The following TPRN variants were observed in gnomAD, a reference collection of about 807,000 sequenced individuals.
TPRN encodes the protein taperin.
Under a neutral mutation model 42.6 loss-of-function variants are expected in TPRN, and 32 were observed. That is an observed-to-expected ratio of 0.75 (90% CI 0.57 to 1.01). The LOEUF (loss-of-function observed/expected upper bound fraction) is 1.01, where lower values mean the gene tolerates loss of function less well. TPRN is among the 50% of genes least tolerant of loss of function. TPRN has a pLI of 0.00. For synonymous variants in TPRN, 541 were observed against 445.6 expected, an observed-to-expected ratio of 1.21 and a Z score of -2.70; for missense variants, 1,095 against 957.5, an observed-to-expected ratio of 1.14 and a Z score of -1.90.
chr9:137,199,522 C>G lies in TPRN; in HGVS notation c.1190G>C (p.Gly397Ala). ...EVEAQWAVEE[G>A]ACPRTATALA... Reference sequence around the variant, plus strand: ...GGCGGTGGCTGTCCTGGGACAGGCCCCCTCCTCGACTGCCCACTGTGCCTC... The same window carrying G: ...GGCGGTGGCTGTCCTGGGACAGGCCGCCTCCTCGACTGCCCACTGTGCCTC... The change falls in exon 1 of 4, where the codon GGG becomes GCG. Residue 397 changes from glycine (G) to alanine (A), a missense_variant. Gly to Ala is a moderately conservative substitution (Grantham distance 60). Transcript: ENST00000409012. 6.4e-7 allele frequency: 1 copy of G among 1,570,696 alleles called. No homozygotes were observed. The highest frequency in any genetic ancestry group is 8.6e-7 in the Non-Finnish European group (1 of 1,158,522).
chr9:137,191,984 G>A lies in TPRN; in HGVS notation c.*128C>T. ...CAGGAGGCACCCTAGCTGCTTCCAG[G>A]GCCAGGAGGGGTGGGTGGGATACAG... is the stretch of plus-strand genomic sequence containing the variant. On this transcript the variant is annotated 3_prime_UTR_variant, in exon 4 of 4. Transcript: ENST00000409012. The A allele has an allele frequency of 8.3e-7, 1 of 1,198,692 alleles. No individual in the cohort carries two copies. The highest frequency in any genetic ancestry group is 2.5e-5 in the East Asian group (1 of 39,624). 74.3% of individuals were successfully genotyped at this position (1,198,692 alleles called of 1,614,324 possible). A position where few individuals can be genotyped will look rare whatever the true frequency, so the allele number is the denominator to read the frequency against.
chr9:137,192,020 C>T lies in TPRN; in HGVS notation c.*92G>A, dbSNP rs911380417. On this transcript the variant is annotated 3_prime_UTR_variant, in exon 4 of 4. Transcript: ENST00000409012. ...GTGGGTGGGATACAGTGAGGCCAAA[C>T]AAGGCAGAAGCGGGTGCAGTAGTCC... The T allele has an allele frequency of 4.2e-5, 63 of 1,516,346 alleles. No individual in the cohort carries two copies. Among genetic ancestry groups the T allele is most frequent in the Admixed American group, 5.3e-5 (3 of 56,726 alleles). 93.9% of individuals were successfully genotyped at this position (1,516,346 alleles called of 1,614,324 possible).
At chr9:137,196,416 G>C (rs1197319350) in intron 1 of TPRN, among the ~76,000 whole-genome samples, 1 of 152,136 alleles carries the variant, frequency 6.6e-6, no homozygotes, top group Non-Finnish European at 1.5e-5. Context: ...GTAAAACCTC[G>C]TCTCTACTAA....
In TPRN at chr9:137,199,611, G is replaced by C. The variant is rs746974855; in HGVS notation, c.1101C>G (p.Leu367=). 3.2e-6 allele frequency: 5 copies of C among 1,558,602 alleles called. No individual in the cohort carries two copies. In the South Asian group the frequency reaches 3.5e-5, roughly 11 times the overall value. ...DLGPASPSQE[L]GSQPVPGGDG... Reference sequence around the variant, plus strand: ...CCCCTCCAGGCACCGGCTGGGATCCGAGCTCCTGGCTCGGGGAGGCCGGGC... The same window carrying C: ...CCCCTCCAGGCACCGGCTGGGATCCCAGCTCCTGGCTCGGGGAGGCCGGGC... The change falls in exon 1 of 4, where the codon CTC becomes CTG. Residue 367 remains leucine (L), a synonymous_variant. Coordinates refer to ENST00000409012, the MANE Select transcript of TPRN (RefSeq NM_001128228.3).
Position 137,199,949 on chromosome 9 carries a change from C to T in TPRN, c.763G>A (p.Gly255Arg). The T allele has an allele frequency of 6.7e-7, 1 of 1,485,306 alleles. No individual in the cohort carries two copies. Among genetic ancestry groups the T allele is most frequent in the African/African-American group, 1.4e-5 (1 of 71,646 alleles). The allele number at this position is 1,485,306 out of a possible 1,614,324, so 92.0% of individuals were successfully genotyped here. A position where few individuals can be genotyped will look rare whatever the true frequency, so the allele number is the denominator to read the frequency against. ...SGQWKPKVES[G>R]DPSLHPPPSP... ...GGGGGCGGGTGGAGGGAGGGATCCCCCGACTCCACCTTTGGCTTCCACTGT... is the reference window on the plus strand; with the variant it reads ...GGGGGCGGGTGGAGGGAGGGATCCCTCGACTCCACCTTTGGCTTCCACTGT... The change falls in exon 1 of 4, where the codon GGG becomes AGG. Residue 255 changes from glycine (G) to arginine (R), a missense_variant. By Grantham distance (125) the Gly-to-Arg change is moderately radical (BLOSUM62 -2). Coordinates refer to ENST00000409012, the MANE Select transcript of TPRN (RefSeq NM_001128228.3).
Position 137,192,572 on chromosome 9 carries a change from TTCC to T in TPRN, c.1842_1844del (p.Glu621del), listed in dbSNP as rs376810326. 3,705 of 1,564,720 alleles carry T rather than the reference TTCC, an allele frequency of 2.4e-3. 14 individuals are homozygous for T. The highest frequency in any genetic ancestry group is 0.018 in the African/African-American group (1,329 of 73,488). ...CGGATCCCTCTTCCTCCTCTTCCTC[TTCC>T]TCCTCCTCCTCCTCCTCCTCCTCCT... On this transcript the variant is annotated inframe_deletion, in exon 2 of 4. Transcript: ENST00000409012.
In TPRN at chr9:137,191,904, C is replaced by T. The variant is rs1032190944; in HGVS notation, c.*208G>A. 2 of 673,906 alleles carry T rather than the reference C, an allele frequency of 3.0e-6. No individual in the cohort carries two copies. Among genetic ancestry groups the T allele is most frequent in the East Asian group, 5.6e-5 (2 of 35,974 alleles). The allele number at this position is 673,906 out of a possible 1,614,324, so 41.7% of individuals were successfully genotyped here. On this transcript the variant is annotated 3_prime_UTR_variant, in exon 4 of 4. Coordinates refer to ENST00000409012, the MANE Select transcript of TPRN (RefSeq NM_001128228.3). Reference sequence around the variant, plus strand: ...AGGCAGTTCCCCACCCCACTTCCCCCTTGGACCCTCCCAAATCAGGGCCGG... The same window carrying T: ...AGGCAGTTCCCCACCCCACTTCCCCTTTGGACCCTCCCAAATCAGGGCCGG...
intron 1 of TPRN, among the ~76,000 whole-genome samples, chr9:137,198,126 C>T (rs1434220276): frequency 6.6e-6 from 1 of 152,148 alleles, no homozygotes; most frequent in African/African-American, 2.4e-5. Context: ...GATAGGAAGA[C>T]CCAAGGGAGG....
chr9:137,196,664 A>G (rs1834710404), intron 1 of TPRN, among the ~76,000 whole-genome samples: 1 of 152,008 alleles, frequency 6.6e-6, no homozygotes, highest in Non-Finnish European at 1.5e-5. Context: ...GGCACCTCGC[A>G]CCCCCACCAG....
chr9:137,199,020 G>C lies in TPRN; in HGVS notation c.1692C>G (p.Ser564=). ...TTGAGGAGCCAGCCTTGGTGAGGCA[G>C]GACTTCTGCAGGGCCAGGTAGCCGC... ...VIGGYLALQK[S]CLTKAGSSRK... is the part of the protein sequence containing the mutation. Residue 564 remains serine (S), a synonymous_variant, in exon 1 of 4, where the codon TCC becomes TCG. Transcript: ENST00000409012. The C allele has an allele frequency of 6.2e-7, 1 of 1,613,078 alleles. No individual in the cohort carries two copies. The highest frequency in any genetic ancestry group is 8.5e-7 in the Non-Finnish European group (1 of 1,179,996).
Position 137,199,378 on chromosome 9 carries a change from C to T in TPRN, c.1334G>A (p.Ser445Asn). 6.2e-7 allele frequency: 1 copy of T among 1,612,810 alleles called. No individual in the cohort carries two copies. Among genetic ancestry groups the T allele is most frequent in the Non-Finnish European group, 8.5e-7 (1 of 1,179,998 alleles). The change falls in exon 1 of 4, where the codon AGC (serine) becomes AAC (asparagine). Residue 445 changes from serine to asparagine, a missense_variant. Transcript: ENST00000409012. ...GLRVPGLAKN[S>N]REYVRPGLPV... is the part of the protein sequence containing the mutation. ...CAGCCCCGGCCTCACATATTCCCGG[C>T]TATTCTTGGCCAAGCCAGGAACCCT...
chr9:137,198,146 C>T (rs767501305), intron 1 of TPRN, among the ~76,000 whole-genome samples: 15 of 152,214 alleles, frequency 9.9e-5, no homozygotes, highest in Non-Finnish European at 1.3e-4. Context: ...GCGCCCCAGG[C>T]GCCCCCCCTC....
In TPRN at chr9:137,199,683, A is replaced by G. The variant is rs1437142260; in HGVS notation, c.1029T>C (p.Pro343=). 4 of 1,603,676 alleles carry G rather than the reference A, an allele frequency of 2.5e-6. 1 individual carries two copies. The South Asian group carries it at 4.5e-5, about 18-fold the overall frequency. Residue 343 remains proline (P), a synonymous_variant, in exon 1 of 4, where the codon CCT becomes CCC. Transcript: ENST00000409012. Reference sequence around the variant, plus strand: ...CCACGGACTGCCTCCCCTCAGGAGGAGGAGCCCCGGAGGCCTTGCTCTTGG... The same window carrying G: ...CCACGGACTGCCTCCCCTCAGGAGGGGGAGCCCCGGAGGCCTTGCTCTTGG... ...VIPKSKASGA[P]PPEGRQSVEL...
In TPRN at chr9:137,200,702, G is replaced by A; in HGVS notation, c.10C>T (p.Leu4=). The A allele has an allele frequency of 5.0e-6, 6 of 1,188,224 alleles. No individual in the cohort carries two copies. Among genetic ancestry groups the A allele is most frequent in the East Asian group, 4.9e-5 (1 of 20,508 alleles). 73.6% of individuals were successfully genotyped at this position (1,188,224 alleles called of 1,614,324 possible). ...CGCGGCCCCGAGCCCGGCCGCCCCA[G>A]GGCGGCCATGCTGCGAACGCGGCAG... MAA[L]GRPGSGPRAA... is the part of the protein sequence containing the mutation. Residue 4 remains leucine, a synonymous_variant, in exon 1 of 4, where the codon CTG becomes TTG. Coordinates refer to ENST00000409012, the MANE Select transcript of TPRN (RefSeq NM_001128228.3). The surrounding 1 kb of genome is among the most constrained non-coding windows in gnomAD (Gnocchi z 4.3).
At position 137,192,124 on chromosome 9, in the gene TPRN, G is replaced by A; in HGVS notation, c.2124C>T (p.Ala708=). ...NDLSDFRSEP[A]LYF is the part of the protein sequence containing the mutation. ...GGCAGTGCTGGGCTCAGAAATACAG[G>A]GCTGGCTCGCTGCGGAAGTCCGAGA... Residue 708 remains alanine (A), a synonymous_variant, in exon 4 of 4, where the codon GCC becomes GCT. Transcript: ENST00000409012. The A allele has an allele frequency of 1.2e-6, 2 of 1,613,268 alleles. No individual in the cohort carries two copies. The highest frequency in any genetic ancestry group is 4.5e-5 in the East Asian group (2 of 44,896).
At chr9:137,195,544 G>C (rs565991543) in intron 1 of TPRN, among the ~76,000 whole-genome samples, 63 of 152,366 alleles carry the variant, frequency 4.1e-4, no homozygotes, top group African/African-American at 1.5e-3. Flanking sequence ...AGGAGGTGGT[G>C]TCAGTAGGAA....
At chr9:137,197,190 C>G (rs1406283746) in intron 1 of TPRN, among the ~76,000 whole-genome samples, 1 of 152,218 alleles carries the variant, frequency 6.6e-6, no homozygotes, top group African/African-American at 2.4e-5. Flanking sequence ...GCTCCGCCTC[C>G]CGGGTTCAAG....
Position 137,200,729 on chromosome 9 carries a change from G to A in TPRN, c.-18C>T. On this transcript the variant is annotated 5_prime_UTR_variant, in exon 1 of 4. Transcript: ENST00000409012. The surrounding 1 kb of genome is among the most constrained non-coding windows in gnomAD (Gnocchi z 4.3). ...GCGGCCATGCTGCGAACGCGGCAGC[G>A]GACGGCTGGACTGAGGGCCGGAGTG... 1 of 1,114,016 alleles carries A rather than the reference G, an allele frequency of 9.0e-7. No individual in the cohort carries two copies. The highest frequency in any genetic ancestry group is 1.1e-6 in the Non-Finnish European group (1 of 912,740). 69.0% of individuals were successfully genotyped at this position (1,114,016 alleles called of 1,614,324 possible).
chr9:137,199,547 C>T lies in TPRN; in HGVS notation c.1165G>A (p.Glu389Lys). ...CCCTCCTCGACTGCCCACTGTGCCT[C>T]GACCTCCAGGGGGCTCTTCCCGAGG... The part of the protein sequence containing the change: ...PALGKSPLEV[E>K]AQWAVEEGAC... Residue 389 changes from glutamate to lysine, a missense_variant, in exon 1 of 4, where the codon GAG becomes AAG. Glu to Lys is a moderately conservative substitution (Grantham distance 56, BLOSUM62 1). Transcript: ENST00000409012. The T allele has an allele frequency of 1.3e-6, 2 of 1,562,344 alleles. No individual in the cohort carries two copies. The highest frequency in any genetic ancestry group is 1.7e-6 in the Non-Finnish European group (2 of 1,153,888).
Sources: allele counts gnomAD v4.1 joint callset (sites outside exome capture counted in the v4.1 genomes callset), GRCh38; gene constraint gnomAD v4.1.1; non-coding constraint Gnocchi (gnomAD v3.1); transcripts MANE v1.5; gene names NCBI Gene and HGNC (gene_info 2026-07-23, HGNC 2026-07-21).